Variants in AP5Z1 observed in about 807,000 individuals in gnomAD.
AP5Z1 encodes the protein adaptor related protein complex 5 subunit zeta 1, also known as AP-5 complex subunit zeta-1.
In AP5Z1, 106 loss-of-function variants were observed where a neutral mutation model predicts 83.0. The ratio of observed to expected loss-of-function variants is 1.28; its 90% CI spans 1.09 to 1.50. AP5Z1 has a LOEUF of 1.50. Among genes scored for constraint, AP5Z1 ranks in the 40% most tolerant of loss-of-function variants. The probability of loss-of-function intolerance (pLI) is 0.00; values close to 1 mark genes in which losing one functional copy is unlikely to be tolerated. For synonymous variants in AP5Z1, 751 were observed against 514.1 expected (o/e 1.46, Z -6.23); for missense variants, 1,565 against 1,094.2 (o/e 1.43, Z -6.07).
In AP5Z1 at chr7:4,789,729, C is replaced by T. The variant is rs538126796; in HGVS notation, c.1708-103C>T. On this transcript the variant is annotated intron_variant, in intron 13 of 16. Transcript: ENST00000649063. ...GGGGAAGGCAGTGGACGAGGAGTCT[C>T]CAGCCCCTCACCTGCCCCCCAGCCC... 5.7e-4 allele frequency: 466 copies of T among 818,262 alleles called. 1 individual carries two copies. The highest frequency in any genetic ancestry group is 2.7e-3 in the African/African-American group (155 of 58,482). 50.7% of individuals were successfully genotyped at this position (818,262 alleles called of 1,614,324 possible).
chr7:4,783,207 G>T (rs1346987476), intron 3 of AP5Z1, 109 bp from the exon 4 acceptor site: 9 of 1,439,310 alleles, frequency 6.3e-6, no homozygotes, highest in Middle Eastern at 2.0e-4. Flanking sequence ...TGCTAGGCCG[G>T]GGTCTCAGCG....
At position 4,793,818 on chromosome 7, in the gene AP5Z1, C is replaced by G. The variant is rs1335133596; in HGVS notation, c.*2433C>G. 6.5e-6 allele frequency: 1 copy of G among 153,214 alleles called. No homozygotes were observed. The highest frequency in any genetic ancestry group is 2.4e-5 in the African/African-American group (1 of 41,498). The allele number at this position is 153,214 out of a possible 1,614,324, so 9.5% of individuals were successfully genotyped here. A position where few individuals can be genotyped will look rare whatever the true frequency, so the allele number is the denominator to read the frequency against. ...GTCCGAGCCTCCCCAACGAGTGTTG[C>G]CACCTGCTCAGGGCACCCAGTCCCA... On this transcript the variant is annotated 3_prime_UTR_variant, in exon 17 of 17. Transcript: ENST00000649063.
intron 10 of AP5Z1, 87 bp downstream of exon 10, chr7:4,786,515 G>C (rs1409398396): frequency 2.0e-6 from 3 of 1,492,426 alleles, no homozygotes; most frequent in Non-Finnish European, 2.8e-6. Context: ...TTCAGGGCGA[G>C]TCCTGGCTGA....
In AP5Z1 at chr7:4,783,785, C is replaced by G; in HGVS notation, c.608C>G (p.Pro203Arg). Residue 203 changes from proline to arginine, a missense_variant, in exon 5 of 17, where the codon CCC becomes CGC. By Grantham distance (103) the Pro-to-Arg change is moderately radical. Coordinates refer to ENST00000649063, the MANE Select transcript of AP5Z1 (RefSeq NM_014855.3). ...CACTCCGGCGGCTTCTTCTCCACGC[C>G]CAGGGCCCGGCAGGTGAGGCTGGGA... is the stretch of plus-strand genomic sequence containing the variant. Reference protein sequence around the residue: ...LPHSGGFFSTPRARQPGPVTE... With the variant: ...LPHSGGFFSTRRARQPGPVTE... 1 of 1,549,082 alleles carries G rather than the reference C, an allele frequency of 6.5e-7. No individual in the cohort carries two copies. The highest frequency in any genetic ancestry group is 8.7e-7 in the Non-Finnish European group (1 of 1,147,074).
intron 1 of AP5Z1, among the ~76,000 whole-genome samples, chr7:4,778,904 C>A (rs1392962526): frequency 1.4e-5 from 2 of 144,294 alleles, no homozygotes; most frequent in Non-Finnish European, 3.0e-5. Context: ...ATTCACTGGG[C>A]TTAGTGTAGT....
chr7:4,785,611 GCACGGGCGGGTGCGCGGGGAC>G lies in AP5Z1; in HGVS notation c.1061_1081del (p.His354_Asp360del). 1 of 1,588,082 alleles carries G rather than the reference GCACGGGCGGGTGCGCGGGGAC, an allele frequency of 6.3e-7. No individual in the cohort carries two copies. The highest frequency in any genetic ancestry group is 8.5e-7 in the Non-Finnish European group (1 of 1,169,834). ...GAAGTCTCTCCTGCCTGAAGGCCCTGCACGGGCGGGTGCGCGGGGACCCGGCCTCTGTGCGGGTGCTGCTGC... is the reference window on the plus strand; with the variant it reads ...GAAGTCTCTCCTGCCTGAAGGCCCTGCCGGCCTCTGTGCGGGTGCTGCTGC... On this transcript the variant is annotated inframe_deletion, in exon 9 of 17. Coordinates refer to ENST00000649063, the MANE Select transcript of AP5Z1 (RefSeq NM_014855.3).
At chr7:4,785,959 T>A (rs773926531) in intron 9 of AP5Z1, among the ~76,000 whole-genome samples, 3 of 152,178 alleles carry the variant, frequency 2.0e-5, no homozygotes, top group Non-Finnish European at 4.4e-5. Flanking sequence ...TTTTAAACTT[T>A]TAAATAGAGA....
At position 4,785,575 on chromosome 7, in the gene AP5Z1, C is replaced by T. The variant is rs975709752; in HGVS notation, c.1023C>T (p.Ser341=). 26 of 1,607,598 alleles carry T rather than the reference C, an allele frequency of 1.6e-5. No individual in the cohort carries two copies. The highest frequency in any genetic ancestry group is 2.7e-5 in the African/African-American group (2 of 74,872). Residue 341 remains serine, a synonymous_variant, in exon 9 of 17, where the codon TCC becomes TCT. Transcript: ENST00000649063. ...VLDVLCRQDP[S]FLYRSLSCLK... is the part of the protein sequence containing the mutation. ...ACGTGCTGTGCCGGCAGGACCCGTC[C>T]TTCCTGTACCGAAGTCTCTCCTGCC...
chr7:4,789,977 G>C (rs1202654436), intron 14 of AP5Z1, 48 bp downstream of exon 14: 2 of 1,424,610 alleles, frequency 1.4e-6, no homozygotes, highest in Non-Finnish European at 9.4e-7. Flanking sequence ...GGTGCCTCCT[G>C]GACTCCTCCC....
rs1413953910 is a variant in AP5Z1 at position 4,789,872 on chromosome 7, T to C, written c.1748T>C (p.Leu583Pro). 4.5e-6 allele frequency: 7 copies of C among 1,553,126 alleles called. No homozygotes were observed. In the African/African-American group the frequency reaches 9.6e-5, roughly 21 times the overall value. The change falls in exon 14 of 17, where the codon CTC (leucine) becomes CCC (proline). Residue 583 changes from leucine (L) to proline (P), a missense_variant. Leu to Pro is a moderately conservative substitution (Grantham distance 98). Coordinates refer to ENST00000649063, the MANE Select transcript of AP5Z1 (RefSeq NM_014855.3). ...CTGATCAACCAGCTGGCGCTGCTGC[T>C]CCTGGGCAGGAGCGACTCGCTCTAC... ...GSLINQLALL[L>P]LGRSDSLYPA...
In AP5Z1 at chr7:4,783,973, T is replaced by TC. The variant is rs1484991291; in HGVS notation, c.621+176dup. On this transcript the variant is annotated intron_variant, in intron 5 of 16. Transcript: ENST00000649063. ...GCCACAGCCCCCTGACCCGTGTGGCTCTGGGGGTCTGTGCGCGGGTTCAGT... is the reference window on the plus strand; with the variant it reads ...GCCACAGCCCCCTGACCCGTGTGGCTCCTGGGGGTCTGTGCGCGGGTTCAGT... 1.2e-4 allele frequency among the ~76,000 whole-genome samples: 18 copies of TC among 152,106 alleles called. 1 individual carries two copies. Among genetic ancestry groups the TC allele is most frequent in the African/African-American group, 4.3e-4 (18 of 41,434 alleles).
intron 10 of AP5Z1, among the ~76,000 whole-genome samples, chr7:4,786,827 G>A (rs1446627568): frequency 6.6e-6 from 1 of 151,938 alleles, no homozygotes; most frequent in Non-Finnish European, 1.5e-5. Flanking sequence ...CTGGAGTGCA[G>A]TGGCGCAATC....
chr7:4,784,055 A>G (rs1781461932), intron 5 of AP5Z1, 148 bp from the exon 6 acceptor site: 1 of 1,015,302 alleles, frequency 9.8e-7, no homozygotes, highest in African/African-American at 1.6e-5. Context: ...TCAGGTGGGG[A>G]TGGTGTTTTT....
chr7:4,775,854 GCAGGAACCCGA>G, intron 1 of AP5Z1, 98 bp downstream of exon 1: 1 of 1,500,600 alleles, frequency 6.7e-7, no homozygotes, highest in Non-Finnish European at 8.9e-7. Context: ...CGCCAGCCTT[GCAGGAACCCGA>G]CTGGACTCGC....
intron 16 of AP5Z1, 86 bp downstream of exon 16, chr7:4,790,973 A>G (rs904264025): frequency 6.7e-7 from 1 of 1,483,714 alleles, no homozygotes. Context: ...GTGTTGTGAA[A>G]TGGTCGCAGC....
chr7:4,782,584 C>T (rs539592358), intron 3 of AP5Z1, among the ~76,000 whole-genome samples: 3 of 152,174 alleles, frequency 2.0e-5, no homozygotes, highest in African/African-American at 4.8e-5. Flanking sequence ...AGCTTGTGGG[C>T]CCCGGCGTAC....
rs374472025 is a variant in AP5Z1 at position 4,788,701 on chromosome 7, G to A, written c.1596-139G>A. 2.2e-4 allele frequency: 161 copies of A among 731,544 alleles called. No individual in the cohort carries two copies. The African/African-American group carries it at 2.3e-3, about 10-fold the overall frequency. The allele number at this position is 731,544 out of a possible 1,614,324, so 45.3% of individuals were successfully genotyped here. ...GCCAGGGGTCTCCCCAAACCCAGGGGAGCAGGAGGTCCCGAGAGGCGATGA... is the reference window on the plus strand; with the variant it reads ...GCCAGGGGTCTCCCCAAACCCAGGGAAGCAGGAGGTCCCGAGAGGCGATGA... On this transcript the variant is annotated intron_variant, in intron 12 of 16. Transcript: ENST00000649063.
chr7:4,779,043 T>C (rs567901601), intron 1 of AP5Z1, among the ~76,000 whole-genome samples: 2 of 145,324 alleles, frequency 1.4e-5, no homozygotes, highest in African/African-American at 5.0e-5. Context: ...AAAATATATA[T>C]ATAGATAGAT....
At chr7:4,784,782 G>A in intron 6 of AP5Z1, 126 bp from the exon 7 acceptor site, 1 of 1,305,708 alleles carries the variant, frequency 7.7e-7, no homozygotes, top group Admixed American at 2.8e-5. Context: ...CTGAGACGGT[G>A]ACGCCTCACG....
Sources: gnomAD v4.1 joint callset for allele counts (sites outside exome capture counted in the v4.1 genomes callset) on GRCh38, gnomAD v4.1.1 for gene constraint, MANE v1.5 for transcripts, NCBI Gene and HGNC (gene_info 2026-07-23, HGNC 2026-07-21) for gene names.